Variants in PPFIBP2 observed in about 807,000 individuals in gnomAD.
PPFIBP2 encodes liprin-beta-2.
Under a neutral mutation model 118.3 loss-of-function variants are expected in PPFIBP2, and 118 were observed. The observed-to-expected ratio is 1.00, with a 90% CI of 0.86 to 1.16. The LOEUF (loss-of-function observed/expected upper bound fraction) is 1.16. PPFIBP2 is among the 50% of genes most tolerant of loss of function. The pLI, the probability that PPFIBP2 is intolerant of heterozygous loss-of-function variation, is 0.00. For missense variants in PPFIBP2, 1,195 were observed against 1,073.1 expected, an observed-to-expected ratio of 1.11 and a Z score of -1.59; for synonymous variants, 414 against 397.4, an observed-to-expected ratio of 1.04 and a Z score of -0.50.
In PPFIBP2 at chr11:7,629,479, T is replaced by C; in HGVS notation, c.909T>C (p.Leu303=). ...NEDKDRRIEE[L]TGLLNQYRKV... ...GGCAGGACCGTCGGATAGAGGAGCT[T>C]ACGGGGCTGTTAAACCAGTACCGGA... is the stretch of plus-strand genomic sequence containing the variant. Residue 303 remains leucine (L), a synonymous_variant, in exon 10 of 24, where the codon CTT becomes CTC. Transcript: ENST00000299492. The C allele has an allele frequency of 1.2e-6, 2 of 1,614,120 alleles. No individual in the cohort carries two copies. The highest frequency in any genetic ancestry group is 8.5e-7 in the Non-Finnish European group (1 of 1,179,962).
intron 1 of PPFIBP2, among the ~76,000 whole-genome samples, chr11:7,546,930 G>A (rs1022802537): frequency 6.6e-6 from 1 of 152,204 alleles, no homozygotes; most frequent in Admixed American, 6.5e-5. Flanking sequence ...GTTCATGGGG[G>A]CAGATACTAG....
At chr11:7,630,333 A>T (rs1305617254) in intron 10 of PPFIBP2, among the ~76,000 whole-genome samples, 1 of 152,036 alleles carries the variant, frequency 6.6e-6, no homozygotes, top group Non-Finnish European at 1.5e-5. Flanking sequence ...TCTTTTTGAG[A>T]TGGAGTGTTA....
At chr11:7,599,718 C>A (rs1413703232) in intron 5 of PPFIBP2, among the ~76,000 whole-genome samples, 2 of 151,328 alleles carry the variant, frequency 1.3e-5, no homozygotes, top group African/African-American at 4.9e-5. Context: ...GCAACCTCCG[C>A]CTCCTGGGTT....
At chr11:7,606,817 A>G (rs935172459) in intron 5 of PPFIBP2, among the ~76,000 whole-genome samples, 2 of 151,000 alleles carry the variant, frequency 1.3e-5, no homozygotes, top group African/African-American at 4.9e-5. Flanking sequence ...AAAGAGATAC[A>G]TTATGAAACT....
In PPFIBP2 at chr11:7,625,851, C is replaced by T; in HGVS notation, c.786C>T (p.Ser262=). ...AEIERLHSQL[S]RTAALHSESH... is the part of the protein sequence containing the mutation. ...TTGAGCGTCTGCACAGCCAGCTCTC[C>T]CGGACAGCAGCTCTCCACAGTGAGA... The change falls in exon 8 of 24, where the codon TCC becomes TCT. Residue 262 remains serine (S), a synonymous_variant. Transcript: ENST00000299492. The T allele has an allele frequency of 1.2e-6, 2 of 1,614,216 alleles. No individual in the cohort carries two copies. The highest frequency in any genetic ancestry group is 1.7e-6 in the Non-Finnish European group (2 of 1,180,028).
chr11:7,666,742 T>G, the PPFIBP2 span: 3 of 478,440 alleles, frequency 6.3e-6, no homozygotes, highest in Non-Finnish European at 3.8e-6. Context: ...GTGGATGAAG[T>G]TCCTCCATGT....
chr11:7,639,585 C>A (rs1198630508), intron 14 of PPFIBP2, 147 bp from the exon 15 acceptor site: 11 of 1,006,796 alleles, frequency 1.1e-5, no homozygotes, highest in Non-Finnish European at 6.0e-6. Context: ...CTTTCTCGGA[C>A]TAGCTAAATA....
chr11:7,662,310 A>G, the PPFIBP2 span, among the ~76,000 whole-genome samples: 14 of 152,122 alleles, frequency 9.2e-5, no homozygotes, highest in African/African-American at 2.4e-4. Context: ...CATGTTTAGC[A>G]CTTCCTTCAG....
chr11:7,577,834 A>T (rs1339335146), intron 3 of PPFIBP2, among the ~76,000 whole-genome samples: 2 of 152,188 alleles, frequency 1.3e-5, no homozygotes, highest in African/African-American at 4.8e-5. Flanking sequence ...TTGTTTCTCC[A>T]CTGACATTCT....
intron 3 of PPFIBP2, among the ~76,000 whole-genome samples, chr11:7,573,679 C>T (rs1231030107): frequency 6.6e-6 from 1 of 152,204 alleles, no homozygotes; most frequent in Non-Finnish European, 1.5e-5. Flanking sequence ...GGACTTCCTC[C>T]ACAGCACTCT....
intron 4 of PPFIBP2, among the ~76,000 whole-genome samples, chr11:7,596,156 A>G (rs1412831303): frequency 6.6e-6 from 1 of 152,260 alleles, no homozygotes. Context: ...GCCTCAAGGC[A>G]TGGTATAGAC....
chr11:7,615,687 C>T (rs562915395), intron 6 of PPFIBP2, among the ~76,000 whole-genome samples: 3 of 152,302 alleles, frequency 2.0e-5, no homozygotes, highest in African/African-American at 7.2e-5. Flanking sequence ...ACTAGGAAAA[C>T]TGCCTTTCTA....
chr11:7,568,902 G>A (rs2134768401), intron 3 of PPFIBP2: 1 of 152,346 alleles, frequency 6.6e-6, no homozygotes, highest in African/African-American at 2.4e-5. Context: ...ACAAGCTATG[G>A]ATGCACACCT....
intron 2 of PPFIBP2, among the ~76,000 whole-genome samples, chr11:7,556,373 T>A (rs751071574): frequency 7.2e-5 from 11 of 152,168 alleles, no homozygotes; most frequent in Non-Finnish European, 1.0e-4. Context: ...GAGAATGGCA[T>A]GAACCCAGGA....
downstream of PPFIBP2, among the ~76,000 whole-genome samples, chr11:7,660,219 C>G (rs1289850860): frequency 7.8e-6 from 1 of 127,720 alleles, no homozygotes; most frequent in Non-Finnish European, 1.9e-5. Context: ...GCATCCCTGT[C>G]TTGTGCCCGT....
intron 2 of PPFIBP2, among the ~76,000 whole-genome samples, chr11:7,562,185 G>T (rs1293895188): frequency 6.6e-6 from 1 of 152,242 alleles, no homozygotes; most frequent in African/African-American, 2.4e-5. Context: ...CTGCTGTGCA[G>T]CCCAGTTCCT....
At chr11:7,644,857 C>G (rs1260613367) in intron 17 of PPFIBP2, among the ~76,000 whole-genome samples, 1 of 151,204 alleles carries the variant, frequency 6.6e-6, no homozygotes, top group Non-Finnish European at 1.5e-5. Context: ...GAAACCCCGT[C>G]TCTACTAAAA....
In PPFIBP2 at chr11:7,565,591, G is replaced by T; in HGVS notation, c.103G>T (p.Glu35Ter). Residue 35 changes from glutamate to a stop codon, truncating the protein, a stop_gained, in exon 3 of 24, where the codon GAG becomes TAG. Transcript: ENST00000299492. LOFTEE classifies it high-confidence loss of function. ...TGADLSDGTC[E>*]PGLASPASYM... ...TGCAGATCTTAGTGATGGTACTTGT[G>T]AGCCTGGACTGGCTTCCCCGGCCTC... 6.2e-7 allele frequency: 1 copy of T among 1,614,128 alleles called. No individual in the cohort carries two copies. Among genetic ancestry groups the T allele is most frequent in the East Asian group, 2.2e-5 (1 of 44,886 alleles).
chr11:7,549,609 C>A (rs368076124), intron 2 of PPFIBP2, 70 bp downstream of exon 2: 26 of 1,142,936 alleles, frequency 2.3e-5, no homozygotes, highest in Non-Finnish European at 2.8e-5. Context: ...TCTCCTTTTA[C>A]TTTTTTTTTT....
Sources: allele counts gnomAD v4.1 joint callset (sites outside exome capture counted in the v4.1 genomes callset), GRCh38; gene constraint gnomAD v4.1.1; transcripts MANE v1.5; gene names NCBI Gene and HGNC (gene_info 2026-07-23, HGNC 2026-07-21).